Variants in INPP4B observed in about 807,000 individuals in gnomAD.
INPP4B encodes the protein inositol polyphosphate-4-phosphatase type II B.
INPP4B carries 55 observed loss-of-function variants against 122.5 expected under a neutral mutation model. The ratio of observed to expected loss-of-function variants is 0.45; its 90% confidence interval spans 0.36 to 0.56. INPP4B has a LOEUF of 0.56. INPP4B is among the 20% of genes least tolerant of loss of function. INPP4B has a pLI of 0.00. For synonymous variants in INPP4B, 403 were observed against 388.7 expected, an observed-to-expected ratio of 1.04 and a Z score of -0.43; for missense variants, 1,000 against 1,097.7, an observed-to-expected ratio of 0.91 and a Z score of 1.26.
intron 4 of INPP4B, among the ~76,000 whole-genome samples, chr4:142,430,483 T>C (rs931918570): frequency 6.6e-5 from 10 of 152,112 alleles, no homozygotes; most frequent in Non-Finnish European, 1.5e-4. Flanking sequence ...TGTTAAATAA[T>C]TGGACTACAG....
intron 17 of INPP4B, among the ~76,000 whole-genome samples, chr4:142,153,965 A>G (rs1284025245): frequency 6.6e-6 from 1 of 152,160 alleles, no homozygotes; most frequent in Non-Finnish European, 1.5e-5. Flanking sequence ...GTGGACCTTA[A>G]TATTGGATAA....
At chr4:142,401,025 C>T (rs1374530267) in intron 7 of INPP4B, among the ~76,000 whole-genome samples, 1 of 152,168 alleles carries the variant, frequency 6.6e-6, no homozygotes, top group Admixed American at 6.5e-5. Flanking sequence ...TAACTCAGCC[C>T]TTTCCATGCC....
At chr4:142,509,966 G>A (rs1160698146) in intron 2 of INPP4B, among the ~76,000 whole-genome samples, 3 of 152,064 alleles carry the variant, frequency 2.0e-5, no homozygotes, top group Non-Finnish European at 2.9e-5. Context: ...AAATAATGAG[G>A]AAATAAATGG....
intron 2 of INPP4B, among the ~76,000 whole-genome samples, chr4:142,631,508 G>A (rs1344951782): frequency 6.6e-6 from 1 of 152,056 alleles, no homozygotes; most frequent in Non-Finnish European, 1.5e-5. Context: ...AGGAGAAAAG[G>A]ATAATTGCAT....
intron 2 of INPP4B, among the ~76,000 whole-genome samples, chr4:142,719,810 C>A (rs1712058910): frequency 6.6e-6 from 1 of 151,942 alleles, no homozygotes; most frequent in Non-Finnish European, 1.5e-5. Flanking sequence ...TACCTTGTAA[C>A]AACTGAACAG....
chr4:142,375,854 C>G (rs2148776992), intron 7 of INPP4B, among the ~76,000 whole-genome samples: 1 of 151,970 alleles, frequency 6.6e-6, no homozygotes, highest in Admixed American at 6.6e-5. Flanking sequence ...GACCCAATAA[C>G]AGCAAGTGCC....
At chr4:142,301,406 C>T (rs569012898) in intron 9 of INPP4B, among the ~76,000 whole-genome samples, 15 of 152,086 alleles carry the variant, frequency 9.9e-5, no homozygotes, top group Non-Finnish European at 2.1e-4. Flanking sequence ...GAAAAAATTC[C>T]GTTAGATCTT....
At chr4:142,451,496 C>T (rs1010772589) in intron 3 of INPP4B, among the ~76,000 whole-genome samples, 8 of 152,108 alleles carry the variant, frequency 5.3e-5, no homozygotes, top group Non-Finnish European at 8.8e-5. Context: ...AGTGATCTGC[C>T]TGCCTCAGCC....
intron 1 of INPP4B, among the ~76,000 whole-genome samples, chr4:142,730,027 T>A (rs1188865636): frequency 2.0e-5 from 3 of 152,128 alleles, no homozygotes; most frequent in African/African-American, 7.2e-5. Context: ...AGAGTCTCCT[T>A]GAAGAGCTCT....
At chr4:142,814,373 T>G (rs1189283417) in intron 1 of INPP4B, among the ~76,000 whole-genome samples, 1 of 152,164 alleles carries the variant, frequency 6.6e-6, no homozygotes, top group Non-Finnish European at 1.5e-5. Context: ...GGCAAACATG[T>G]TAGCATAAAT....
chr4:142,109,140 CTT>C (rs74562601), intron 22 of INPP4B, among the ~76,000 whole-genome samples: 25 of 147,232 alleles, frequency 1.7e-4, no homozygotes, highest in East Asian at 1.2e-3. Flanking sequence ...GTAACCCTTC[CTT>C]TTTTTTTTTT....
At chr4:142,129,534 T>C (rs1800238887) in intron 18 of INPP4B, among the ~76,000 whole-genome samples, 2 of 152,190 alleles carry the variant, frequency 1.3e-5, no homozygotes, top group South Asian at 2.1e-4. Context: ...ACTTTGGTCA[T>C]AGACCCTAGA....
At chr4:142,628,609 C>T (rs557269008) in intron 2 of INPP4B, among the ~76,000 whole-genome samples, 23 of 150,588 alleles carry the variant, frequency 1.5e-4, no homozygotes, top group African/African-American at 4.1e-4. Flanking sequence ...CACTTGCTAC[C>T]GCACCATTTC....
At chr4:142,030,768 G>A (rs1001472018) in intron 25 of INPP4B, among the ~76,000 whole-genome samples, 5 of 152,100 alleles carry the variant, frequency 3.3e-5, no homozygotes, top group Admixed American at 6.6e-5. Flanking sequence ...TACTGGCATT[G>A]CACCTATATA....
chr4:142,440,535 T>C (rs1230109063), intron 3 of INPP4B, among the ~76,000 whole-genome samples: 1 of 152,128 alleles, frequency 6.6e-6, no homozygotes, highest in Non-Finnish European at 1.5e-5. Context: ...GTCAATGAAA[T>C]TTTTTCATAT....
intron 7 of INPP4B, among the ~76,000 whole-genome samples, chr4:142,367,686 T>C (rs770430442): frequency 3.3e-5 from 5 of 152,150 alleles, no homozygotes; most frequent in Non-Finnish European, 7.4e-5. Context: ...CATGCATCCA[T>C]AATACATCTT....
At chr4:142,214,140 C>T (rs1260337515) in intron 12 of INPP4B, among the ~76,000 whole-genome samples, 2 of 152,158 alleles carry the variant, frequency 1.3e-5, no homozygotes, top group Non-Finnish European at 2.9e-5. Context: ...GTCACAGAGT[C>T]CCTTTGTGTC....
intron 11 of INPP4B, among the ~76,000 whole-genome samples, chr4:142,242,407 G>A (rs889912403): frequency 1.3e-5 from 2 of 152,100 alleles, no homozygotes; most frequent in South Asian, 2.1e-4. Context: ...AAACACAAAC[G>A]TATTATTTGT....
At chr4:142,622,991 GC>G (rs1745307536) in intron 2 of INPP4B, among the ~76,000 whole-genome samples, 1 of 151,858 alleles carries the variant, frequency 6.6e-6, no homozygotes, top group South Asian at 2.1e-4. Flanking sequence ...AGATGTTTTG[GC>G]CCTTAACACT....
Sources: allele counts gnomAD v4.1 joint callset (sites outside exome capture counted in the v4.1 genomes callset), GRCh38; gene constraint gnomAD v4.1.1; transcripts MANE v1.5; gene names NCBI Gene and HGNC (gene_info 2026-07-23, HGNC 2026-07-21).